Variants in RBFOX3 observed in about 807,000 individuals in gnomAD.
RBFOX3 encodes the protein RNA binding protein fox-1 homolog 3.
RBFOX3 carries 17 observed loss-of-function variants against 48.7 expected under a neutral mutation model. The ratio of observed to expected loss-of-function variants is 0.35; its 90% CI spans 0.24 to 0.52. The LOEUF is 0.52. RBFOX3 is among the 20% of genes least tolerant of loss of function. The probability of loss-of-function intolerance (pLI) is 0.94; values close to 1 mark genes in which losing one functional copy is unlikely to be tolerated. For synonymous variants in RBFOX3, 212 were observed against 209.5 expected, an observed-to-expected ratio of 1.01 and a Z score of -0.10; for missense variants, 382 against 497.5, an observed-to-expected ratio of 0.77 and a Z score of 2.21.
intron 3 of RBFOX3, among the ~76,000 whole-genome samples, chr17:79,253,118 A>G (rs1227254391): frequency 6.6e-6 from 1 of 152,182 alleles, no homozygotes; most frequent in Non-Finnish European, 1.5e-5. Context: ...TTTCAGCCCA[A>G]GTAGATCCTG....
At chr17:79,549,810 C>T (rs2090955397) in intron 1 of RBFOX3, among the ~76,000 whole-genome samples, 1 of 152,200 alleles carries the variant, frequency 6.6e-6, no homozygotes, top group Non-Finnish European at 1.5e-5. Flanking sequence ...AGGCCTCAGC[C>T]TGGTCAGAGC....
chr17:79,623,823 TAAAAA>T, the RBFOX3 span, among the ~76,000 whole-genome samples: 49 of 106,014 alleles, frequency 4.6e-4, no homozygotes, highest in African/African-American at 1.5e-3. Flanking sequence ...ACTCTGTCTC[TAAAAA>T]AAAAAAAAAA....
chr17:79,385,948 G>T (rs184929575), intron 2 of RBFOX3, among the ~76,000 whole-genome samples: 211 of 133,974 alleles, frequency 1.6e-3, no homozygotes, highest in African/African-American at 5.9e-3. Context: ...GCGGACAGGA[G>T]CTCCATCACC....
Position 79,479,690 on chromosome 17 carries a change from T to C in RBFOX3, c.-175+2764A>G, listed in dbSNP as rs893372331. Among the ~76,000 whole-genome samples, 1 of 152,208 alleles carries C rather than the reference T, an allele frequency of 6.6e-6. No homozygotes were observed. Among genetic ancestry groups the C allele is most frequent in the African/African-American group, 2.4e-5 (1 of 41,452 alleles). On this transcript the variant is annotated intron_variant, in intron 2 of 14. Coordinates refer to ENST00000693108, the MANE Select transcript of RBFOX3 (RefSeq NM_001350451.2). This position sits in a 1 kb window ranked among gnomAD's most constrained non-coding sequence, Gnocchi z 5.1. Reference sequence around the variant, plus strand: ...GGGTGGGCTGGTCTTGTACTTTCACTGTTGATGACCCCGAGGATTTACCTA... The same window carrying C: ...GGGTGGGCTGGTCTTGTACTTTCACCGTTGATGACCCCGAGGATTTACCTA...
At position 79,311,323 on chromosome 17, in the gene RBFOX3, C is replaced by T. The variant is rs2076821437; in HGVS notation, c.-174-3499G>A. The stretch of plus-strand genomic sequence containing the variant: ...TGGTGGGCACCTGTAGTTCCAGCTA[C>T]CCAGGAGGCTGAGGCAGGAGAATCA... On this transcript the variant is annotated intron_variant, in intron 2 of 14. Coordinates refer to ENST00000693108, the MANE Select transcript of RBFOX3 (RefSeq NM_001350451.2). This position sits in a 1 kb window ranked among gnomAD's most constrained non-coding sequence, Gnocchi z 4.2. Among the ~76,000 whole-genome samples, 1 of 151,610 alleles carries T rather than the reference C, an allele frequency of 6.6e-6. No individual in the cohort carries two copies. Among genetic ancestry groups the T allele is most frequent in the Non-Finnish European group, 1.5e-5 (1 of 67,946 alleles).
At chr17:79,435,133 G>A (rs996871143) in intron 2 of RBFOX3, among the ~76,000 whole-genome samples, 2 of 152,138 alleles carry the variant, frequency 1.3e-5, no homozygotes, top group Non-Finnish European at 1.5e-5. Context: ...GTGCGTCCTG[G>A]TGCCAGCGTG....
chr17:79,545,379 A>G (rs2090283349), intron 1 of RBFOX3, among the ~76,000 whole-genome samples: 1 of 152,194 alleles, frequency 6.6e-6, no homozygotes, highest in East Asian at 1.9e-4. Context: ...CCACAGCAAC[A>G]TGGGGAAGAA....
intron 3 of RBFOX3, among the ~76,000 whole-genome samples, chr17:79,266,536 C>T (rs62062926): frequency 0.069 from 10,501 of 152,106 alleles, 424 homozygotes; most frequent in South Asian, 0.12. Context: ...GGGTTCCCAA[C>T]GCGGAGCTCC....
intron 1 of RBFOX3, among the ~76,000 whole-genome samples, chr17:79,608,037 T>C (rs906910507): frequency 8.8e-4 from 134 of 152,270 alleles, no homozygotes; most frequent in African/African-American, 3.1e-3. Flanking sequence ...CCCCATGTCC[T>C]CAGCAGCCTG....
chr17:79,550,821 C>T (rs1459092931), intron 1 of RBFOX3, among the ~76,000 whole-genome samples: 14 of 152,054 alleles, frequency 9.2e-5, no homozygotes, highest in Non-Finnish European at 1.6e-4. Flanking sequence ...GATTTATGGA[C>T]AGACAGCTGG....
chr17:79,656,178 C>G, the RBFOX3 span, among the ~76,000 whole-genome samples: 1 of 152,206 alleles, frequency 6.6e-6, no homozygotes, highest in Non-Finnish European at 1.5e-5. Flanking sequence ...GGCCGGCCAA[C>G]TTGCTGTCAA....
chr17:79,571,135 G>A (rs2092664224), intron 1 of RBFOX3, among the ~76,000 whole-genome samples: 1 of 152,162 alleles, frequency 6.6e-6, no homozygotes, highest in African/African-American at 2.4e-5. Flanking sequence ...TCTCATTACT[G>A]GAATTTTACC....
rs1439406280 is a variant in RBFOX3 at position 79,235,788 on chromosome 17, C to G, written c.-56G>C. On this transcript the variant is annotated 5_prime_UTR_variant, in exon 4 of 15. Transcript: ENST00000693108. ...TACCTTTTATTCAGCCAATTTTCCC[C>G]GAGGCACTCTGGGCTCTCTAAGAAA... 6.5e-6 allele frequency: 1 copy of G among 153,694 alleles called. No individual in the cohort carries two copies. The highest frequency in any genetic ancestry group is 1.5e-5 in the Non-Finnish European group (1 of 68,046). 9.5% of individuals were successfully genotyped at this position (153,694 alleles called of 1,614,324 possible).
At chr17:79,344,325 C>G (rs752334747) in intron 2 of RBFOX3, among the ~76,000 whole-genome samples, 1 of 152,158 alleles carries the variant, frequency 6.6e-6, no homozygotes, top group South Asian at 2.1e-4. Context: ...AAATTCCAGA[C>G]TGCCAGTGAG....
intron 3 of RBFOX3, among the ~76,000 whole-genome samples, chr17:79,282,892 T>C (rs2070914552): frequency 6.6e-6 from 1 of 152,266 alleles, no homozygotes; most frequent in Non-Finnish European, 1.5e-5. Flanking sequence ...CAGCTCTGCC[T>C]GGTACCTGCA....
In RBFOX3 at chr17:79,198,652, G is replaced by A. The variant is rs1267235886; in HGVS notation, c.-34+37114C>T. Among the ~76,000 whole-genome samples, 2 of 150,082 alleles carry A rather than the reference G, an allele frequency of 1.3e-5. No individual in the cohort carries two copies. Among genetic ancestry groups the A allele is most frequent in the East Asian group, 3.9e-4 (2 of 5,116 alleles). On this transcript the variant is annotated intron_variant, in intron 4 of 14. Coordinates refer to ENST00000693108, the MANE Select transcript of RBFOX3 (RefSeq NM_001350451.2). This position sits in a 1 kb window ranked among gnomAD's most constrained non-coding sequence, Gnocchi z 8.2. ...TCTCTTTTTTTTTTTTTAAGATGGA[G>A]TCTTGCTCTGTCACTCAAGCTGGAG...
At chr17:79,330,486 G>A (rs1224497159) in intron 2 of RBFOX3, among the ~76,000 whole-genome samples, 2 of 152,074 alleles carry the variant, frequency 1.3e-5, no homozygotes, top group Admixed American at 1.3e-4. Flanking sequence ...GCAGAATCTT[G>A]GGTCATTCCT....
At chr17:79,106,884 T>TC (rs60153964) in intron 5 of RBFOX3, 96 bp from the exon 6 acceptor site, 1,351,611 of 1,388,842 alleles carry the variant, frequency 0.97, 658,549 homozygotes, top group Non-Finnish European at 0.98. Flanking sequence ...GGCCAGATTC[T>TC]CCCCACCCTT....
intron 2 of RBFOX3, among the ~76,000 whole-genome samples, chr17:79,476,879 AAGT>A (rs1462457043): frequency 6.6e-6 from 1 of 151,140 alleles, no homozygotes; most frequent in African/African-American, 2.4e-5. Context: ...GAAAGGAAAG[AAGT>A]AGGGGGAGAG....
Sources: allele counts gnomAD v4.1 joint callset (sites outside exome capture counted in the v4.1 genomes callset), GRCh38; gene constraint gnomAD v4.1.1; non-coding constraint Gnocchi (gnomAD v3.1); transcripts MANE v1.5; gene names NCBI Gene and HGNC (gene_info 2026-07-23, HGNC 2026-07-21).